The following DLST variants were observed in gnomAD, a reference collection of about 807,000 sequenced individuals.
DLST encodes dihydrolipoyllysine-residue succinyltransferase component of 2-oxoglutarate dehydrogenase complex, mitochondrial.
In DLST, 17 loss-of-function variants were observed where a neutral mutation model predicts 53.1. The observed-to-expected ratio is 0.32, with a 90% CI of 0.22 to 0.48. The LOEUF is 0.48. Among genes scored for constraint, DLST ranks in the 20% least tolerant of loss-of-function variants. The probability of loss-of-function intolerance (pLI) is 0.99; values close to 1 mark genes in which losing one functional copy is unlikely to be tolerated. For missense variants in DLST, 512 were observed against 583.9 expected, an observed-to-expected ratio of 0.88 and a Z score of 1.27; for synonymous variants, 206 against 204.8, an observed-to-expected ratio of 1.01 and a Z score of -0.05.
In DLST at chr14:74,891,128, G is replaced by A. The variant is rs761716217; in HGVS notation, c.403G>A (p.Glu135Lys). ...ALLVPDGGKV[E>K]GGTPLFTLRK... Reference sequence around the variant, plus strand: ...TTTGGTACCTGATGGGGGAAAAGTCGAAGGAGGCACTCCACTTTTCACACT... The same window carrying A: ...TTTGGTACCTGATGGGGGAAAAGTCAAAGGAGGCACTCCACTTTTCACACT... Residue 135 changes from glutamate to lysine, a missense_variant, in exon 7 of 15, where the codon GAA becomes AAA. This residue lies in a region of DLST where 162 missense variants were observed against 162.0 expected (regional missense o/e 1.00). Coordinates refer to ENST00000334220, the MANE Select transcript of DLST (RefSeq NM_001933.5). The A allele has an allele frequency of 1.5e-5, 24 of 1,614,048 alleles. No homozygotes were observed. Among genetic ancestry groups the A allele is most frequent in the Non-Finnish European group, 1.9e-5 (23 of 1,180,032 alleles).
chr14:74,900,632 T>A (rs1231518087), intron 13 of DLST, among the ~76,000 whole-genome samples: 1 of 152,240 alleles, frequency 6.6e-6, no homozygotes, highest in Non-Finnish European at 1.5e-5. Context: ...TTTTCTCTGG[T>A]GGAGCACTGG....
chr14:74,887,356 A>G (rs1017053067), intron 3 of DLST, among the ~76,000 whole-genome samples: 1 of 152,194 alleles, frequency 6.6e-6, no homozygotes, highest in African/African-American at 2.4e-5. Flanking sequence ...CTCATCTGCA[A>G]TCAAATGAAA....
intron 2 of DLST, 143 bp from the exon 3 acceptor site, chr14:74,885,443 C>T (rs1883668424): frequency 1.2e-6 from 1 of 863,632 alleles, no homozygotes; most frequent in African/African-American, 1.7e-5. Context: ...GTTTGAGAAG[C>T]AGGACTCTAT....
intron 10 of DLST, among the ~76,000 whole-genome samples, chr14:74,894,778 A>C (rs1013929104): frequency 5.9e-5 from 9 of 151,438 alleles, no homozygotes; most frequent in Admixed American, 1.3e-4. Flanking sequence ...CGATCTCCTG[A>C]CCTCGTGATC....
At chr14:74,891,284 G>A in intron 7 of DLST, 117 bp downstream of exon 7, 1 of 1,519,918 alleles carries the variant, frequency 6.6e-7, no homozygotes, top group Non-Finnish European at 8.9e-7. Context: ...GCTGCCCTTA[G>A]TTGAGGGAAT....
chr14:74,886,848 TCTC>T (rs1425820676), intron 3 of DLST, among the ~76,000 whole-genome samples: 3 of 151,326 alleles, frequency 2.0e-5, no homozygotes, highest in Non-Finnish European at 3.0e-5. Context: ...TTCCAGCAAT[TCTC>T]CTGCCTCAGC....
Position 74,889,960 on chromosome 14 carries a change from T to C in DLST, c.330+8T>C. 6.2e-7 allele frequency: 1 copy of C among 1,613,172 alleles called. No homozygotes were observed. The highest frequency in any genetic ancestry group is 8.5e-7 in the Non-Finnish European group (1 of 1,179,488). On this transcript the variant is annotated splice_region_variant and intron_variant, in intron 6 of 14. Coordinates refer to ENST00000334220, the MANE Select transcript of DLST (RefSeq NM_001933.5). ...GAGATTGAAACTGACAAGGTAGGCT[T>C]ATCTTATATTCGTACCAGCTTTTCA...
chr14:74,891,776 C>T, intron 7 of DLST: 1 of 985,014 alleles, frequency 1.0e-6, no homozygotes, highest in Non-Finnish European at 1.2e-6. Flanking sequence ...TACCCGTAGA[C>T]CAACGAGTCA....
chr14:74,891,693 ATAACT>A, intron 7 of DLST: 1 of 984,686 alleles, frequency 1.0e-6, no homozygotes, highest in African/African-American at 1.7e-5. Context: ...TTAGAGATTA[ATAACT>A]TTATCTGACT....
intron 9 of DLST, 132 bp from the exon 10 acceptor site, chr14:74,894,180 T>G: frequency 9.7e-7 from 1 of 1,034,490 alleles, no homozygotes; most frequent in Non-Finnish European, 1.4e-6. Flanking sequence ...AAGGGAAGCC[T>G]GGAGCTCGTG....
intron 10 of DLST, among the ~76,000 whole-genome samples, chr14:74,897,947 T>C (rs1376334187): frequency 3.9e-5 from 6 of 152,000 alleles, no homozygotes; most frequent in Non-Finnish European, 8.8e-5. Context: ...GGTTTTTTTT[T>C]TTTTTTTGTA....
chr14:74,899,466 C>T (rs549829108), intron 11 of DLST, among the ~76,000 whole-genome samples: 12 of 152,186 alleles, frequency 7.9e-5, no homozygotes, highest in African/African-American at 2.2e-4. Flanking sequence ...CAGATCACCC[C>T]GCTTACTCTT....
rs753313643 is a variant in DLST at position 74,881,982 on chromosome 14, G to A, written c.29G>A (p.Arg10Gln). MLSRSRCVS[R>Q]AFSRSLSAFQ... ...CTGTCCCGATCCCGCTGTGTGTCTCGGGCGTTCAGCCGCTCGCTCTCCGCC... is the reference window on the plus strand; with the variant it reads ...CTGTCCCGATCCCGCTGTGTGTCTCAGGCGTTCAGCCGCTCGCTCTCCGCC... Residue 10 changes from arginine to glutamine, a missense_variant, in exon 1 of 15, where the codon CGG becomes CAG. Arg to Gln is a conservative substitution (Grantham distance 43). This residue lies in a region of DLST where 129 missense variants were observed against 90.9 expected (regional missense o/e 1.42). Coordinates refer to ENST00000334220, the MANE Select transcript of DLST (RefSeq NM_001933.5). The A allele has an allele frequency of 1.3e-6, 2 of 1,572,094 alleles. No individual in the cohort carries two copies. The highest frequency in any genetic ancestry group is 8.6e-7 in the Non-Finnish European group (1 of 1,167,174).
chr14:74,901,037 G>A (rs1799900), intron 13 of DLST, 29 bp from the exon 14 acceptor site: 905,123 of 1,607,978 alleles, frequency 0.56, 262,296 homozygotes, highest in African/African-American at 0.92. Flanking sequence ...GGGTTGGCTT[G>A]ATATTTCAAT....
At position 74,881,935 on chromosome 14, in the gene DLST, C is replaced by A; in HGVS notation, c.-19C>A. On this transcript the variant is annotated 5_prime_UTR_variant, in exon 1 of 15. Transcript: ENST00000334220. ...GGCCCTATATCCGGTGTCCGCCCGC[C>A]CTCGGCTCCTCCGCCGTGATGCTGT... 2 of 1,534,560 alleles carry A rather than the reference C, an allele frequency of 1.3e-6. No individual in the cohort carries two copies. Among genetic ancestry groups the A allele is most frequent in the East Asian group, 5.1e-5 (2 of 39,110 alleles).
At chr14:74,888,155 G>A (rs998716573) in intron 3 of DLST, among the ~76,000 whole-genome samples, 1 of 152,074 alleles carries the variant, frequency 6.6e-6, no homozygotes, top group Non-Finnish European at 1.5e-5. Context: ...ATCAGTAAAC[G>A]CCTTGGTCTT....
At chr14:74,886,780 C>T (rs1883718724) in intron 3 of DLST, among the ~76,000 whole-genome samples, 3 of 151,966 alleles carry the variant, frequency 2.0e-5, no homozygotes, top group Non-Finnish European at 4.4e-5. Flanking sequence ...CTTGCTCTGT[C>T]ACCCAGGCTG....
chr14:74,881,978 T>C lies in DLST; in HGVS notation c.25T>C (p.Ser9Pro), dbSNP rs753807796. 2 of 1,571,620 alleles carry C rather than the reference T, an allele frequency of 1.3e-6. No individual in the cohort carries two copies. The highest frequency in any genetic ancestry group is 1.7e-4 in the Middle Eastern group (1 of 5,772). Reference sequence around the variant, plus strand: ...GATGCTGTCCCGATCCCGCTGTGTGTCTCGGGCGTTCAGCCGCTCGCTCTC... The same window carrying C: ...GATGCTGTCCCGATCCCGCTGTGTGCCTCGGGCGTTCAGCCGCTCGCTCTC... MLSRSRCV[S>P]RAFSRSLSAF... is the part of the protein sequence containing the mutation. The change falls in exon 1 of 15, where the codon TCT becomes CCT. Residue 9 changes from serine (S) to proline (P), a missense_variant. By Grantham distance (74) the Ser-to-Pro change is moderately conservative (BLOSUM62 -1). Transcript: ENST00000334220.
At chr14:74,891,029 C>A in intron 6 of DLST, 27 bp from the exon 7 acceptor site, 1 of 1,598,722 alleles carries the variant, frequency 6.3e-7, no homozygotes. Context: ...AACATTTGGA[C>A]TTCCTCCATC....
Sources: allele counts gnomAD v4.1 joint callset (sites outside exome capture counted in the v4.1 genomes callset), GRCh38; gene constraint gnomAD v4.1.1; regional missense constraint gnomAD v4.1.1; transcripts MANE v1.5; gene names NCBI Gene and HGNC (gene_info 2026-07-23, HGNC 2026-07-21).